Variants in BTBD9 observed in about 807,000 individuals in gnomAD.
The protein encoded by BTBD9 is BTB domain containing 9, also known as BTB/POZ domain-containing protein 9.
A neutral mutation model predicts 64.3 loss-of-function variants in BTBD9; 49 were observed. The ratio of observed to expected loss-of-function variants is 0.76; its 90% CI spans 0.61 to 0.97. The LOEUF (loss-of-function observed/expected upper bound fraction) is 0.97. BTBD9 is among the 50% of genes least tolerant of loss of function. The pLI is 0.00. For missense variants in BTBD9, 598 were observed against 762.1 expected (o/e 0.78, Z 2.53); for synonymous variants, 260 against 274.7 (o/e 0.95, Z 0.53).
In BTBD9 at chr6:38,606,168, G is replaced by A. The variant is rs75347825; in HGVS notation, c.-27-8047C>T. The stretch of plus-strand genomic sequence containing the variant: ...GCCACAGACTGAAGGCTGCGCTGTC[G>A]GGTTCCCTACTTTTGAAGTTTTCAG... On this transcript the variant is annotated intron_variant, in intron 1 of 10. Coordinates refer to ENST00000481247, the MANE Select transcript of BTBD9 (RefSeq NM_001099272.2). Among the ~76,000 whole-genome samples the A allele has an allele frequency of 9.7e-4, 147 of 152,214 alleles. 1 individual carries two copies. In the East Asian group the frequency reaches 0.025, roughly 26 times the overall value.
intron 9 of BTBD9, among the ~76,000 whole-genome samples, chr6:38,250,839 G>A (rs781221459): frequency 1.3e-5 from 2 of 152,104 alleles, no homozygotes; most frequent in East Asian, 1.9e-4. Flanking sequence ...TTGGGAAGCC[G>A]AGGTGGGGGG....
intron 1 of BTBD9, among the ~76,000 whole-genome samples, chr6:38,606,122 T>C (rs929877682): frequency 2.0e-5 from 3 of 152,184 alleles, no homozygotes; most frequent in Non-Finnish European, 4.4e-5. Flanking sequence ...CAGTGGTTTG[T>C]CAGGGGCTCT....
At chr6:38,432,219 C>A (rs1461198356) in intron 6 of BTBD9, among the ~76,000 whole-genome samples, 3 of 152,000 alleles carry the variant, frequency 2.0e-5, no homozygotes, top group African/African-American at 7.3e-5. Context: ...TGCCACCATG[C>A]CCTTGGATTT....
chr6:38,175,618 C>T (rs372137422), intron 10 of BTBD9, among the ~76,000 whole-genome samples: 6 of 152,172 alleles, frequency 3.9e-5, no homozygotes, highest in South Asian at 4.1e-4. Context: ...CCACAGATAA[C>T]GTCCACCATC....
intron 6 of BTBD9, among the ~76,000 whole-genome samples, chr6:38,405,181 A>C (rs1767109469): frequency 6.6e-6 from 1 of 152,128 alleles, no homozygotes; most frequent in Non-Finnish European, 1.5e-5. Context: ...CTAAATAGAC[A>C]ATCTATCTGA....
chr6:38,340,539 AT>A (rs965699414), intron 7 of BTBD9, among the ~76,000 whole-genome samples: 11 of 152,184 alleles, frequency 7.2e-5, no homozygotes, highest in Non-Finnish European at 1.3e-4. Context: ...CAAACTCAAA[AT>A]GTATGTACTT....
At chr6:38,616,688 G>C (rs974626484) in intron 1 of BTBD9, among the ~76,000 whole-genome samples, 12 of 152,080 alleles carry the variant, frequency 7.9e-5, no homozygotes, top group African/African-American at 2.7e-4. Context: ...TGAAAAGAGC[G>C]CGCTTTGATA....
intron 6 of BTBD9, among the ~76,000 whole-genome samples, chr6:38,445,358 T>C (rs1356103679): frequency 6.6e-6 from 1 of 152,212 alleles, no homozygotes; most frequent in Admixed American, 6.5e-5. Context: ...CTGTTGACTA[T>C]CCTCATATTT....
chr6:38,221,553 T>C (rs968527616), intron 9 of BTBD9, among the ~76,000 whole-genome samples: 5 of 152,162 alleles, frequency 3.3e-5, no homozygotes, highest in East Asian at 3.9e-4. Context: ...AACCATTGCA[T>C]TGAAATAATT....
At chr6:38,566,673 T>C (rs982223985) in intron 6 of BTBD9, among the ~76,000 whole-genome samples, 9 of 152,224 alleles carry the variant, frequency 5.9e-5, no homozygotes, top group Admixed American at 6.5e-5. Flanking sequence ...AAAATCAGTG[T>C]CATTGTAGTC....
chr6:38,619,568 C>T (rs1777916611), intron 1 of BTBD9, among the ~76,000 whole-genome samples: 1 of 152,164 alleles, frequency 6.6e-6, no homozygotes, highest in African/African-American at 2.4e-5. Flanking sequence ...GTTCTCTGGG[C>T]CAGAAGCCCC....
chr6:38,217,845 A>G (rs1763064138), intron 9 of BTBD9, among the ~76,000 whole-genome samples: 1 of 152,094 alleles, frequency 6.6e-6, no homozygotes, highest in African/African-American at 2.4e-5. Context: ...GAGCTGCGCA[A>G]GTCAAACGAG....
intron 6 of BTBD9, among the ~76,000 whole-genome samples, chr6:38,381,541 C>G (rs771338149): frequency 7.9e-5 from 12 of 152,100 alleles, no homozygotes; most frequent in Non-Finnish European, 1.8e-4. Context: ...ACTGATAGAT[C>G]AACCAGACAA....
intron 1 of BTBD9, among the ~76,000 whole-genome samples, chr6:38,609,507 T>C (rs1777540630): frequency 6.6e-6 from 1 of 152,152 alleles, no homozygotes; most frequent in South Asian, 2.1e-4. Flanking sequence ...GTGGCCTGCC[T>C]TTCACCTTCT....
rs187455105 is a variant in BTBD9 at position 38,391,871 on chromosome 6, G to A, written c.1155-46778C>T. ...CTCTCTCATTAAACAGTAGCTGATC[G>A]ATCGGCAACTTGCTCAAAATCCACA... On this transcript the variant is annotated intron_variant, in intron 6 of 10. Transcript: ENST00000481247. 3.3e-5 allele frequency among the ~76,000 whole-genome samples: 5 copies of A among 152,264 alleles called. No homozygotes were observed. In the East Asian group the frequency reaches 5.8e-4, roughly 18 times the overall value.
In BTBD9 at chr6:38,171,627, G is replaced by C. The variant is rs1248541936; in HGVS notation, c.*3358C>G. The C allele has an allele frequency of 6.7e-6, 1 of 148,668 alleles. No homozygotes were observed. The highest frequency in any genetic ancestry group is 2.5e-5 in the African/African-American group (1 of 40,042). 9.2% of individuals were successfully genotyped at this position (148,668 alleles called of 1,614,324 possible). ...GTGAGAGGGAGAGACGGTGGGGGCG[G>C]GGGGTGGTTCATAGCTGCTTCAAGT... On this transcript the variant is annotated 3_prime_UTR_variant, in exon 11 of 11. Transcript: ENST00000481247.
At chr6:38,348,498 G>C (rs1764377645) in intron 6 of BTBD9, among the ~76,000 whole-genome samples, 1 of 152,192 alleles carries the variant, frequency 6.6e-6, no homozygotes, top group Non-Finnish European at 1.5e-5. Flanking sequence ...AGCTCAGACA[G>C]TTGGAAGATA....
At chr6:38,343,979 T>A (rs181710570) in intron 7 of BTBD9, among the ~76,000 whole-genome samples, 2 of 152,230 alleles carry the variant, frequency 1.3e-5, no homozygotes, top group African/African-American at 2.4e-5. Context: ...AGTATGGACA[T>A]GTGTGCCAAC....
At position 38,633,180 on chromosome 6, in the gene BTBD9, A is replaced by T. The variant is rs147616621; in HGVS notation, c.-28+6620T>A. 4.1e-3 allele frequency among the ~76,000 whole-genome samples: 632 copies of T among 152,310 alleles called. 2 individuals carry two copies. The highest frequency in any genetic ancestry group is 6.4e-3 in the Non-Finnish European group (437 of 68,022). On this transcript the variant is annotated intron_variant, in intron 1 of 10. Coordinates refer to ENST00000481247, the MANE Select transcript of BTBD9 (RefSeq NM_001099272.2). ...CAGTAACTTTTCCTAAAACAGTAGA[A>T]ATGAGACTGCATTTCTACATCAAGA...
Sources: gnomAD v4.1 joint callset for allele counts (sites outside exome capture counted in the v4.1 genomes callset) on GRCh38, gnomAD v4.1.1 for gene constraint, MANE v1.5 for transcripts, NCBI Gene and HGNC (gene_info 2026-07-23, HGNC 2026-07-21) for gene names.